The following PCDH7 variants were observed in gnomAD, a reference collection of about 807,000 sequenced individuals.
PCDH7 encodes protocadherin-7.
In PCDH7, 17 loss-of-function variants were observed where a neutral mutation model predicts 58.9. The observed-to-expected ratio is 0.29, with a 90% CI of 0.20 to 0.43. PCDH7 has a LOEUF of 0.43. PCDH7 is among the 20% of genes least tolerant of loss of function. The probability of loss-of-function intolerance (pLI) is 1.00; values close to 1 mark genes in which losing one functional copy is unlikely to be tolerated. For synonymous variants in PCDH7, 664 were observed against 616.4 expected (o/e 1.08, Z -1.14); for missense variants, 1,274 against 1,441.0 (o/e 0.88, Z 1.88).
intron 1 of PCDH7, among the ~76,000 whole-genome samples, chr4:30,874,248 A>T (rs1401854855): frequency 6.6e-6 from 1 of 152,054 alleles, no homozygotes; most frequent in Non-Finnish European, 1.5e-5. Flanking sequence ...ATGCACACGT[A>T]TGTTTATTGC....
intron 2 of PCDH7, among the ~76,000 whole-genome samples, chr4:30,923,798 T>A (rs972132645): frequency 1.3e-5 from 2 of 152,212 alleles, no homozygotes; most frequent in African/African-American, 4.8e-5. Context: ...TTCATGCTAA[T>A]CTTTTAATAT....
intron 1 of PCDH7, among the ~76,000 whole-genome samples, chr4:30,863,301 A>C (rs1002618250): frequency 6.6e-6 from 1 of 152,060 alleles, no homozygotes; most frequent in East Asian, 1.9e-4. Flanking sequence ...TGTGGCTATA[A>C]TATAGTTGTT....
At chr4:31,073,861 A>C (rs1758758938) in intron 3 of PCDH7, among the ~76,000 whole-genome samples, 1 of 152,038 alleles carries the variant, frequency 6.6e-6, no homozygotes, top group African/African-American at 2.4e-5. Context: ...ATGAAACCTA[A>C]ATTTCTTGCC....
chr4:31,041,478 A>G (rs1477422667), intron 3 of PCDH7, among the ~76,000 whole-genome samples: 8 of 152,162 alleles, frequency 5.3e-5, no homozygotes, highest in Non-Finnish European at 1.5e-5. Context: ...TTTCAACTTC[A>G]CAAGTGAAAA....
In PCDH7 at chr4:30,880,880, T is replaced by G. The variant is rs189093324; in HGVS notation, c.71-39273T>G. Among the ~76,000 whole-genome samples, 12 of 152,268 alleles carry G rather than the reference T, an allele frequency of 7.9e-5. No homozygotes were observed. In the East Asian group the frequency reaches 2.1e-3, roughly 27 times the overall value. ...AAGAGGCAGAGTCTTGTCAGGAGTA[T>G]GGCTGGAGCTGGAGACTCAAACAAT... On this transcript the variant is annotated intron_variant, in intron 1 of 3. Coordinates refer to the PCDH7 transcript ENST00000509759.
At chr4:31,114,750 T>C (rs989266724) in intron 3 of PCDH7, among the ~76,000 whole-genome samples, 1 of 149,492 alleles carries the variant, frequency 6.7e-6, no homozygotes, top group African/African-American at 2.5e-5. Context: ...GAGAGAGAGG[T>C]GAACATATAC....
intron 1 of PCDH7, among the ~76,000 whole-genome samples, chr4:30,862,926 G>A (rs1259736658): frequency 2.0e-5 from 3 of 151,834 alleles, no homozygotes; most frequent in African/African-American, 7.3e-5. Context: ...TTATGAGAAT[G>A]TATTGCCAAA....
intron 3 of PCDH7, among the ~76,000 whole-genome samples, chr4:31,055,766 G>A (rs11736953): frequency 6.6e-6 from 1 of 151,408 alleles, no homozygotes; most frequent in Non-Finnish European, 1.5e-5. Context: ...TAGTAGAGGC[G>A]GGGTTTCGCC....
At chr4:31,019,403 C>A (rs951189742) in intron 3 of PCDH7, among the ~76,000 whole-genome samples, 4 of 151,992 alleles carry the variant, frequency 2.6e-5, no homozygotes, top group African/African-American at 9.7e-5. Context: ...AATGATTAGC[C>A]TACAGAAATA....
intron 1 of PCDH7, among the ~76,000 whole-genome samples, chr4:30,790,785 G>T (rs1724011734): frequency 1.3e-5 from 2 of 152,020 alleles, no homozygotes; most frequent in Admixed American, 1.3e-4. Context: ...TTAGCCGGGT[G>T]TGGTGGCAGG....
At chr4:31,082,823 C>T (rs866116800) in intron 3 of PCDH7, among the ~76,000 whole-genome samples, 10 of 152,174 alleles carry the variant, frequency 6.6e-5, no homozygotes, top group East Asian at 1.9e-4. Context: ...CATTAAGGGC[C>T]GGGCACGGTG....
At chr4:30,777,436 G>T (rs1303114258) in intron 1 of PCDH7, among the ~76,000 whole-genome samples, 1 of 152,082 alleles carries the variant, frequency 6.6e-6, no homozygotes, top group Non-Finnish European at 1.5e-5. Context: ...TAAATGAGTG[G>T]TGATCACATA....
At chr4:31,092,898 A>T (rs1560217204) in intron 3 of PCDH7, among the ~76,000 whole-genome samples, 1 of 152,056 alleles carries the variant, frequency 6.6e-6, no homozygotes, top group Non-Finnish European at 1.5e-5. Context: ...TTTCTACCAG[A>T]GACTGGTCCA....
intron 3 of PCDH7, among the ~76,000 whole-genome samples, chr4:31,087,860 G>T (rs1277722512): frequency 6.6e-6 from 1 of 152,054 alleles, no homozygotes; most frequent in Non-Finnish European, 1.5e-5. Context: ...TTATTAACAT[G>T]TAGTAGGTGC....
At chr4:31,052,751 A>G (rs1308876070) in intron 3 of PCDH7, among the ~76,000 whole-genome samples, 1 of 152,214 alleles carries the variant, frequency 6.6e-6, no homozygotes, top group Non-Finnish European at 1.5e-5. Context: ...TGCTGATGCC[A>G]GCATCTGACT....
At chr4:30,779,002 C>T (rs1458725770) in intron 1 of PCDH7, among the ~76,000 whole-genome samples, 5 of 75,478 alleles carry the variant, frequency 6.6e-5, no homozygotes, top group African/African-American at 1.9e-4. Context: ...CTCCTTACTC[C>T]GTTTTTTTTT....
chr4:31,053,053 C>CT (rs903493794), intron 3 of PCDH7, among the ~76,000 whole-genome samples: 6 of 151,878 alleles, frequency 4.0e-5, no homozygotes, highest in African/African-American at 1.2e-4. Context: ...AATCAGATGC[C>CT]AGATTCCTCT....
chr4:31,035,980 C>A (rs6837499), intron 3 of PCDH7, among the ~76,000 whole-genome samples: 36,145 of 151,950 alleles, frequency 0.24, 4,555 homozygotes, highest in South Asian at 0.33. Flanking sequence ...TTTTCCCTAC[C>A]AGAGCACATG....
At chr4:31,012,559 A>G (rs560811056) in intron 3 of PCDH7, among the ~76,000 whole-genome samples, 4 of 150,666 alleles carry the variant, frequency 2.7e-5, no homozygotes, top group African/African-American at 9.7e-5. Flanking sequence ...TTTATTTGGT[A>G]AATGTATTTG....
Sources: allele counts gnomAD v4.1 joint callset (sites outside exome capture counted in the v4.1 genomes callset), GRCh38; gene constraint gnomAD v4.1.1; transcripts MANE v1.5; gene names NCBI Gene and HGNC (gene_info 2026-07-23, HGNC 2026-07-21).